The following STK31 variants were observed in gnomAD, a reference collection of about 807,000 sequenced individuals.
STK31 encodes the protein serine/threonine-protein kinase 31.
Under a neutral mutation model 129.7 loss-of-function variants are expected in STK31, and 89 were observed. That is an observed-to-expected ratio of 0.69 (90% CI 0.58 to 0.82). The LOEUF (loss-of-function observed/expected upper bound fraction) is 0.82. Among genes scored for constraint, STK31 ranks in the 40% least tolerant of loss-of-function variants. The pLI is 0.00. For synonymous variants in STK31, 448 were observed against 395.3 expected, an observed-to-expected ratio of 1.13 and a Z score of -1.58; for missense variants, 1,187 against 1,176.4, an observed-to-expected ratio of 1.01 and a Z score of -0.13.
Position 23,788,101 on chromosome 7 carries a change from T to C in STK31, c.2609T>C (p.Val870Ala), listed in dbSNP as rs1791409809. ...GCTTTAAACCGTGAACAAGGAATTG[T>C]TGGAGATTTTGACTTCACCAAATCT... Reference protein sequence around the residue: ...VFALNREQGIVGDFDFTKSVS... With the variant: ...VFALNREQGIAGDFDFTKSVS... The change falls in exon 21 of 24, where the codon GTT (valine) becomes GCT (alanine). Residue 870 changes from valine (V) to alanine (A), a missense_variant. Val to Ala is a moderately conservative substitution (Grantham distance 64, BLOSUM62 0). Coordinates refer to ENST00000355870, the MANE Select transcript of STK31 (RefSeq NM_031414.5). 1.3e-5 allele frequency: 21 copies of C among 1,611,276 alleles called. No homozygotes were observed. Among genetic ancestry groups the C allele is most frequent in the Non-Finnish European group, 1.8e-5 (21 of 1,179,052 alleles).
chr7:23,776,451 G>T (rs7811322), intron 15 of STK31, among the ~76,000 whole-genome samples: 52 of 151,832 alleles, frequency 3.4e-4, no homozygotes, highest in African/African-American at 1.2e-3. Context: ...CTGTGTATCT[G>T]TCTGGTCCTG....
intron 15 of STK31, among the ~76,000 whole-genome samples, chr7:23,778,580 T>A (rs1790707104): frequency 6.6e-6 from 1 of 152,048 alleles, no homozygotes; most frequent in South Asian, 2.1e-4. Flanking sequence ...TTTCATTAAG[T>A]TGATCTTCAA....
At chr7:23,799,240 CTACTT>C (rs1396656400) in intron 22 of STK31, among the ~76,000 whole-genome samples, 1 of 152,168 alleles carries the variant, frequency 6.6e-6, no homozygotes, top group African/African-American at 2.4e-5. Flanking sequence ...TTAGAAAAAA[CTACTT>C]TAAATTTCAT....
intron 4 of STK31, among the ~76,000 whole-genome samples, chr7:23,718,070 A>G (rs1240927508): frequency 6.6e-6 from 1 of 152,196 alleles, no homozygotes; most frequent in Non-Finnish European, 1.5e-5. Flanking sequence ...TGAACTGTAT[A>G]CTTAACAATG....
Position 23,783,578 on chromosome 7 carries a change from T to A in STK31, c.2068-5T>A, listed in dbSNP as rs190026921. The A allele has an allele frequency of 2.6e-5, 42 of 1,601,524 alleles. No homozygotes were observed. The East Asian group carries it at 9.4e-4, about 36-fold the overall frequency. On this transcript the variant is annotated splice_polypyrimidine_tract_variant and splice_region_variant and intron_variant, in intron 16 of 23. Transcript: ENST00000355870. ...CAGTTAAAAACTTTTTTTTTTTAAC[T>A]TTAGGAGATGCTAACTAGTTTGGCA...
At chr7:23,744,285 C>G (rs1298674179) in intron 8 of STK31, among the ~76,000 whole-genome samples, 1 of 130,912 alleles carries the variant, frequency 7.6e-6, no homozygotes. Flanking sequence ...TCCTTTAGTT[C>G]TAGGATTTCT....
chr7:23,785,333 A>C, intron 17 of STK31, 145 bp from the exon 18 acceptor site: 1 of 1,120,434 alleles, frequency 8.9e-7, no homozygotes. Context: ...GAAAGTACAC[A>C]GTTTTAAAGA....
At chr7:23,779,909 C>T (rs999352306) in intron 15 of STK31, among the ~76,000 whole-genome samples, 2 of 152,184 alleles carry the variant, frequency 1.3e-5, no homozygotes, top group African/African-American at 2.4e-5. Flanking sequence ...GCAGCTAGCT[C>T]GGTGTCTGCC....
At chr7:23,819,162 AT>A (rs909014431) in intron 23 of STK31, among the ~76,000 whole-genome samples, 16 of 152,122 alleles carry the variant, frequency 1.1e-4, no homozygotes, top group African/African-American at 3.6e-4. Context: ...AGCATGTGTT[AT>A]TTTTTCTCAT....
At chr7:23,713,746 G>A (rs576673785) in intron 3 of STK31, among the ~76,000 whole-genome samples, 66 of 152,036 alleles carry the variant, frequency 4.3e-4, no homozygotes, top group Non-Finnish European at 8.2e-4. Context: ...TGTGCATGGA[G>A]CTGTCATCTT....
chr7:23,722,869 A>G (rs1333068981), intron 4 of STK31: 1 of 152,314 alleles, frequency 6.6e-6, no homozygotes, highest in Middle Eastern at 3.4e-3. Flanking sequence ...CTCCGTGGGC[A>G]TGGGACCCTC....
At chr7:23,825,087 TG>T (rs1164966062) in intron 23 of STK31, among the ~76,000 whole-genome samples, 2 of 152,146 alleles carry the variant, frequency 1.3e-5, no homozygotes, top group African/African-American at 4.8e-5. Flanking sequence ...TGCCCGGCTT[TG>T]GTATCAGGAT....
chr7:23,787,019 A>G, intron 20 of STK31, 95 bp downstream of exon 20: 1 of 1,262,392 alleles, frequency 7.9e-7, no homozygotes, highest in South Asian at 1.3e-5. Context: ...TGTATTTTGT[A>G]AAATTTTGAC....
In STK31 at chr7:23,752,817, T is replaced by A; in HGVS notation, c.1118T>A (p.Ile373Lys). The change falls in exon 9 of 24, where the codon ATA becomes AAA. Residue 373 changes from isoleucine to lysine, a missense_variant. Physicochemically the swap from Ile to Lys is moderately radical, Grantham distance 102 (BLOSUM62 -3). This residue lies in a region of STK31 where 975 missense variants were observed against 934.9 expected (regional missense o/e 1.04). Coordinates refer to ENST00000355870, the MANE Select transcript of STK31 (RefSeq NM_031414.5). ...RMKNLAAKME[I>K]LKEMRHVDIS... ...AAAAATCTGGCAGCTAAGATGGAAA[T>A]ACTGAAAGAAATGAGGTAGGTAAAA... The A allele has an allele frequency of 6.2e-7, 1 of 1,607,010 alleles. No homozygotes were observed. Among genetic ancestry groups the A allele is most frequent in the Non-Finnish European group, 8.5e-7 (1 of 1,174,336 alleles).
chr7:23,815,785 A>T (rs1267634387), intron 23 of STK31, among the ~76,000 whole-genome samples: 1 of 152,160 alleles, frequency 6.6e-6, no homozygotes, highest in East Asian at 1.9e-4. Flanking sequence ...GTACTTCATA[A>T]GTATGCCCAT....
Position 23,733,415 on chromosome 7 carries a change from A to G in STK31, c.484-2123A>G, listed in dbSNP as rs936807057. Among the ~76,000 whole-genome samples, 5 of 134,782 alleles carry G rather than the reference A, an allele frequency of 3.7e-5. No individual in the cohort carries two copies. The East Asian group carries it at 8.6e-4, about 23-fold the overall frequency. The allele number at this position is 134,782 out of a possible 152,430, so 88.4% of individuals were successfully genotyped here. A position where few individuals can be genotyped will look rare whatever the true frequency, so the allele number is the denominator to read the frequency against. Reference sequence around the variant, plus strand: ...ATTCTTTTTTTTTTTTTTTTTGGGTAGTGATAGTTGGTGATTCTTGAGCAT... The same window carrying G: ...ATTCTTTTTTTTTTTTTTTTTGGGTGGTGATAGTTGGTGATTCTTGAGCAT... On this transcript the variant is annotated intron_variant, in intron 6 of 23. Transcript: ENST00000355870.
At chr7:23,711,305 C>T (rs1785945587) in intron 1 of STK31, among the ~76,000 whole-genome samples, 1 of 151,980 alleles carries the variant, frequency 6.6e-6, no homozygotes, top group African/African-American at 2.4e-5. Flanking sequence ...GACGTGGTGT[C>T]ACGCGCCGGT....
At chr7:23,712,074 A>G (rs148807478) in intron 1 of STK31, 25 bp from the exon 2 acceptor site, 23 of 1,555,428 alleles carry the variant, frequency 1.5e-5, no homozygotes, top group Non-Finnish European at 2.0e-5. Flanking sequence ...GGATTATTGT[A>G]ATCTAATTTA....
intron 8 of STK31, among the ~76,000 whole-genome samples, chr7:23,743,843 T>G (rs1236898561): frequency 6.6e-6 from 1 of 152,036 alleles, no homozygotes; most frequent in Non-Finnish European, 1.5e-5. Flanking sequence ...TTTTAAATTT[T>G]TGATTGACTG....
Sources: allele counts gnomAD v4.1 joint callset (sites outside exome capture counted in the v4.1 genomes callset), GRCh38; gene constraint gnomAD v4.1.1; regional missense constraint gnomAD v4.1.1; transcripts MANE v1.5; gene names NCBI Gene and HGNC (gene_info 2026-07-23, HGNC 2026-07-21).